LMTK2: variants seen among roughly 807,000 people sequenced by gnomAD.
LMTK2 encodes the protein lemur tail kinase 2, also known as serine/threonine-protein kinase LMTK2.
LMTK2 carries 37 observed loss-of-function variants against 127.5 expected under a neutral mutation model. The ratio of observed to expected loss-of-function variants is 0.29; its 90% confidence interval spans 0.22 to 0.38. The LOEUF (loss-of-function observed/expected upper bound fraction) is 0.38. Among genes scored for constraint, LMTK2 ranks in the 10% least tolerant of loss-of-function variants. LMTK2 has a pLI of 1.00. For synonymous variants in LMTK2, 819 were observed against 810.1 expected, an observed-to-expected ratio of 1.01 and a Z score of -0.19; for missense variants, 1,694 against 1,920.3, an observed-to-expected ratio of 0.88 and a Z score of 2.20.
intron 11 of LMTK2, 34 bp from the exon 12 acceptor site, chr7:98,203,540 C>A: frequency 6.4e-7 from 1 of 1,569,356 alleles, no homozygotes; most frequent in South Asian, 1.2e-5. Context: ...GTGAGCAGGC[C>A]TTTGCTGACA....
At chr7:98,139,851 G>C (rs781643421) in intron 2 of LMTK2, among the ~76,000 whole-genome samples, 15 of 152,148 alleles carry the variant, frequency 9.9e-5, no homozygotes, top group Non-Finnish European at 1.5e-4. Context: ...TTCATAGACT[G>C]TTCAGTGGAG....
At chr7:98,118,818 C>T (rs996281830) in intron 1 of LMTK2, among the ~76,000 whole-genome samples, 3 of 152,122 alleles carry the variant, frequency 2.0e-5, no homozygotes, top group Non-Finnish European at 4.4e-5. Flanking sequence ...TTTGGCCGGG[C>T]GCAGTGGCTC....
chr7:98,129,730 G>A (rs1016128042), intron 1 of LMTK2, among the ~76,000 whole-genome samples: 11 of 150,636 alleles, frequency 7.3e-5, no homozygotes, highest in African/African-American at 2.7e-4. Context: ...TGTTTTTCCT[G>A]TTTCGTTCCC....
chr7:98,179,400 C>T (rs1316621554), intron 7 of LMTK2, among the ~76,000 whole-genome samples: 2 of 152,140 alleles, frequency 1.3e-5, no homozygotes, highest in Non-Finnish European at 2.9e-5. Context: ...AGGGAGATGT[C>T]GGGAAGGTTC....
chr7:98,141,280 A>G (rs1005175739), intron 2 of LMTK2, 117 bp from the exon 3 acceptor site: 24 of 924,262 alleles, frequency 2.6e-5, no homozygotes, highest in African/African-American at 5.0e-5. Flanking sequence ...TTTACTTAAC[A>G]TTAAGTACAA....
At position 98,187,619 on chromosome 7, in the gene LMTK2, G is replaced by GTTGTTT. The variant is rs1388850533; in HGVS notation, c.998+623_998+624insGTTTTT. On this transcript the variant is annotated intron_variant, in intron 9 of 13. Coordinates refer to ENST00000297293, the MANE Select transcript of LMTK2 (RefSeq NM_014916.4). Reference sequence around the variant, plus strand: ...TTTTGTTGTTGTTGTTGTTGTTGTTGTTTTGAGATAGAGTCTCACTGTCGC... The same window carrying GTTGTTT: ...TTTTGTTGTTGTTGTTGTTGTTGTTGTTGTTTTTTTGAGATAGAGTCTCACTGTCGC... Among the ~76,000 whole-genome samples, 442 of 151,064 alleles carry GTTGTTT rather than the reference G, an allele frequency of 2.9e-3. 2 individuals carry two copies. Among genetic ancestry groups the GTTGTTT allele is most frequent in the South Asian group, 0.014 (65 of 4,754 alleles).
intron 6 of LMTK2, among the ~76,000 whole-genome samples, chr7:98,163,702 A>G (rs1014299943): frequency 6.6e-6 from 1 of 152,174 alleles, no homozygotes; most frequent in Admixed American, 6.5e-5. Context: ...GGGTTGTCCC[A>G]TGGGACACAC....
At chr7:98,120,826 G>A (rs1179963245) in intron 1 of LMTK2, among the ~76,000 whole-genome samples, 1 of 152,090 alleles carries the variant, frequency 6.6e-6, no homozygotes, top group Non-Finnish European at 1.5e-5. Flanking sequence ...TTGCTGGTAA[G>A]GCACTGAAAA....
chr7:98,168,283 A>G (rs909568411), intron 6 of LMTK2, among the ~76,000 whole-genome samples: 5 of 152,198 alleles, frequency 3.3e-5, no homozygotes, highest in African/African-American at 1.2e-4. Context: ...ATCCATGGCA[A>G]CCAAAGAGGA....
At position 98,194,809 on chromosome 7, in the gene LMTK2, A is replaced by G. The variant is rs73710389; in HGVS notation, c.4107+237A>G. Among the ~76,000 whole-genome samples the G allele has an allele frequency of 1.0e-3, 152 of 152,330 alleles. 1 individual carries two copies. Among genetic ancestry groups the G allele is most frequent in the African/African-American group, 3.5e-3 (145 of 41,572 alleles). ...CCCGAATGCTCTTCCTGGGTCTTCTAATGGAGTCTTCCTGAATTAGTCACC... is the reference window on the plus strand; with the variant it reads ...CCCGAATGCTCTTCCTGGGTCTTCTGATGGAGTCTTCCTGAATTAGTCACC... On this transcript the variant is annotated intron_variant, in intron 11 of 13. Coordinates refer to ENST00000297293, the MANE Select transcript of LMTK2 (RefSeq NM_014916.4). The surrounding 1 kb of genome is among the most constrained non-coding windows in gnomAD (Gnocchi z 5.4).
chr7:98,208,129 TCATAA>T lies in LMTK2; in HGVS notation c.*2643_*2647del, dbSNP rs1411080868. ...GTCTCAAAAAAAAAAACAATTTTTT[TCATAA>T]CATAATTCCCATTTTTATTTATTTT... On this transcript the variant is annotated 3_prime_UTR_variant, in exon 14 of 14. Coordinates refer to ENST00000297293, the MANE Select transcript of LMTK2 (RefSeq NM_014916.4). 2.0e-5 allele frequency: 3 copies of T among 152,036 alleles called. No homozygotes were observed. The highest frequency in any genetic ancestry group is 6.6e-5 in the Admixed American group (1 of 15,254). The allele number at this position is 152,036 out of a possible 1,614,324, so 9.4% of individuals were successfully genotyped here. A position where few individuals can be genotyped will look rare whatever the true frequency, so the allele number is the denominator to read the frequency against.
chr7:98,110,370 C>T (rs563312741), intron 1 of LMTK2, among the ~76,000 whole-genome samples: 55 of 152,056 alleles, frequency 3.6e-4, no homozygotes, highest in Non-Finnish European at 6.6e-4. Context: ...GCTGGGATGC[C>T]GTTTTGCCCC....
At chr7:98,170,285 T>A (rs1350662521) in intron 6 of LMTK2, among the ~76,000 whole-genome samples, 1 of 152,210 alleles carries the variant, frequency 6.6e-6, no homozygotes, top group Non-Finnish European at 1.5e-5. Context: ...GTGGCAACTA[T>A]TAATATCAAC....
rs180871866 is a variant in LMTK2 at position 98,190,863 on chromosome 7, C to T, written c.1134C>T (p.Pro378=). Residue 378 remains proline, a synonymous_variant, in exon 10 of 14, where the codon CCC becomes CCT. Coordinates refer to ENST00000297293, the MANE Select transcript of LMTK2 (RefSeq NM_014916.4). ...TKLPKPQLEQ[P]YSDRWYEVLQ... is the part of the protein sequence containing the mutation. Reference sequence around the variant, plus strand: ...TCCCGAAGCCCCAGCTGGAGCAGCCCTACTCTGATAGATGGTTGGTAGCCT... The same window carrying T: ...TCCCGAAGCCCCAGCTGGAGCAGCCTTACTCTGATAGATGGTTGGTAGCCT... 462 of 1,614,154 alleles carry T rather than the reference C, an allele frequency of 2.9e-4. 1 individual carries two copies. In the Admixed American group the frequency reaches 7.5e-3, roughly 26 times the overall value.
At chr7:98,188,422 G>A (rs529546222) in intron 9 of LMTK2, among the ~76,000 whole-genome samples, 10 of 151,976 alleles carry the variant, frequency 6.6e-5, no homozygotes, top group African/African-American at 2.2e-4. Context: ...TGCTTATCTG[G>A]GAAAGACTTT....
At chr7:98,185,561 A>G (rs1797421121) in intron 8 of LMTK2, among the ~76,000 whole-genome samples, 1 of 152,138 alleles carries the variant, frequency 6.6e-6, no homozygotes, top group Non-Finnish European at 1.5e-5. Context: ...TCTGTCATGA[A>G]TATATTCTAA....
At chr7:98,108,781 T>A (rs2116308532) in intron 1 of LMTK2, among the ~76,000 whole-genome samples, 1 of 152,170 alleles carries the variant, frequency 6.6e-6, no homozygotes, top group South Asian at 2.1e-4. Context: ...AATTTCCAGA[T>A]GACTTTACAC....
chr7:98,205,561 C>T lies in LMTK2; in HGVS notation c.*69C>T. ...GAGCGGCGCCCCTGCGCCCTCAGCC[C>T]GAGCAGCGACATCCACTCGCCATTT... On this transcript the variant is annotated 3_prime_UTR_variant, in exon 14 of 14. Coordinates refer to ENST00000297293, the MANE Select transcript of LMTK2 (RefSeq NM_014916.4). 2.0e-6 allele frequency: 3 copies of T among 1,516,672 alleles called. No homozygotes were observed. The highest frequency in any genetic ancestry group is 2.7e-6 in the Non-Finnish European group (3 of 1,103,460). 94.0% of individuals were successfully genotyped at this position (1,516,672 alleles called of 1,614,324 possible).
rs1796700308 is a variant in LMTK2, at chr7:98,141,559, A to G, written c.376+18A>G. The stretch of plus-strand genomic sequence containing the variant: ...TTCTGTAGGTAAGACCATACAGCCT[A>G]ATGCCACGTTTTCATGAATTGTTTC... On this transcript the variant is annotated intron_variant, in intron 3 of 13. Transcript: ENST00000297293. The G allele has an allele frequency of 6.2e-7, 1 of 1,607,098 alleles. No individual in the cohort carries two copies. The highest frequency in any genetic ancestry group is 1.1e-5 in the South Asian group (1 of 90,192).
Sources: allele counts gnomAD v4.1 joint callset (sites outside exome capture counted in the v4.1 genomes callset), GRCh38; gene constraint gnomAD v4.1.1; non-coding constraint Gnocchi (gnomAD v3.1); transcripts MANE v1.5; gene names NCBI Gene and HGNC (gene_info 2026-07-23, HGNC 2026-07-21).